The following RPS6KC1 variants were observed in gnomAD, a reference collection of about 807,000 sequenced individuals.
RPS6KC1 encodes ribosomal protein S6 kinase C1, also known as inactive ribosomal protein S6 kinase delta-1.
Under a neutral mutation model 103.8 loss-of-function variants are expected in RPS6KC1, and 54 were observed. The ratio of observed to expected loss-of-function variants is 0.52; its 90% confidence interval spans 0.42 to 0.65. The LOEUF (loss-of-function observed/expected upper bound fraction) is 0.65. RPS6KC1 is among the 30% of genes least tolerant of loss of function. The probability of loss-of-function intolerance (pLI) is 0.00; values close to 1 mark genes in which losing one functional copy is unlikely to be tolerated. For synonymous variants in RPS6KC1, 439 were observed against 438.7 expected, an observed-to-expected ratio of 1.00 and a Z score of -0.01; for missense variants, 1,151 against 1,253.8, an observed-to-expected ratio of 0.92 and a Z score of 1.24.
chr1:213,063,577 TGTG>T (rs1382248806), intron 1 of RPS6KC1, among the ~76,000 whole-genome samples: 1 of 152,204 alleles, frequency 6.6e-6, no homozygotes, highest in Non-Finnish European at 1.5e-5. Flanking sequence ...CTACAGAAAT[TGTG>T]GTAGTATTTC....
the RPS6KC1 span, among the ~76,000 whole-genome samples, chr1:213,585,787 G>A: frequency 4.6e-5 from 7 of 152,052 alleles, no homozygotes; most frequent in Non-Finnish European, 7.4e-5. Flanking sequence ...TCTCTCTACC[G>A]AGACACATGG....
At chr1:213,437,723 C>T in the RPS6KC1 span, among the ~76,000 whole-genome samples, 1 of 150,656 alleles carries the variant, frequency 6.6e-6, no homozygotes, top group South Asian at 2.1e-4. Flanking sequence ...ATTAATTTGT[C>T]AATTTTGCTT....
intron 6 of RPS6KC1, among the ~76,000 whole-genome samples, chr1:213,149,996 A>G (rs995981031): frequency 6.6e-6 from 1 of 152,144 alleles, no homozygotes; most frequent in Non-Finnish European, 1.5e-5. Flanking sequence ...TTGGTGTGGA[A>G]TATCTTTTTC....
At chr1:213,187,869 G>T (rs1297346811) in intron 8 of RPS6KC1, among the ~76,000 whole-genome samples, 2 of 151,934 alleles carry the variant, frequency 1.3e-5, no homozygotes, top group African/African-American at 4.8e-5. Context: ...TATTTGCTTA[G>T]TGAATCTTTA....
chr1:213,860,901 T>C, the RPS6KC1 span, among the ~76,000 whole-genome samples: 1 of 151,896 alleles, frequency 6.6e-6, no homozygotes, highest in Non-Finnish European at 1.5e-5. Flanking sequence ...CTCTGCCTCC[T>C]GGGTTCAAGC....
chr1:213,151,770 T>C (rs1186156431), intron 6 of RPS6KC1, among the ~76,000 whole-genome samples: 2 of 103,728 alleles, frequency 1.9e-5, no homozygotes, highest in Admixed American at 9.6e-5. Flanking sequence ...GCGGCTGGCC[T>C]GGCGGGGGGC....
chr1:213,401,668 G>A, the RPS6KC1 span, among the ~76,000 whole-genome samples: 2 of 152,010 alleles, frequency 1.3e-5, no homozygotes, highest in African/African-American at 4.8e-5. Context: ...TCCTTCCTTG[G>A]GCCTTCAACT....
the RPS6KC1 span, among the ~76,000 whole-genome samples, chr1:213,308,661 G>A: frequency 1.3e-5 from 2 of 152,070 alleles, no homozygotes; most frequent in African/African-American, 2.4e-5. Flanking sequence ...TTCATTATCC[G>A]AGTCCCCACT....
chr1:213,247,705 A>G (rs1261130407), intron 12 of RPS6KC1, among the ~76,000 whole-genome samples: 3 of 152,174 alleles, frequency 2.0e-5, no homozygotes, highest in Non-Finnish European at 4.4e-5. Flanking sequence ...ACAGTAGTAA[A>G]ATAGATTTGT....
chr1:213,485,418 C>T, the RPS6KC1 span, among the ~76,000 whole-genome samples: 1 of 152,118 alleles, frequency 6.6e-6, no homozygotes, highest in Admixed American at 6.5e-5. Context: ...CTGCCACCCC[C>T]AATCCTTTCT....
At chr1:213,210,548 G>A (rs2093475394) in intron 8 of RPS6KC1, among the ~76,000 whole-genome samples, 1 of 152,132 alleles carries the variant, frequency 6.6e-6, no homozygotes, top group Admixed American at 6.5e-5. Context: ...TGTTGCAGTC[G>A]ATGAACTTGT....
At chr1:213,407,089 C>T in the RPS6KC1 span, among the ~76,000 whole-genome samples, 1 of 152,124 alleles carries the variant, frequency 6.6e-6, no homozygotes, top group Non-Finnish European at 1.5e-5. Context: ...TACCCGGAGG[C>T]CTGACATCCT....
chr1:213,280,079 G>A, the RPS6KC1 span, among the ~76,000 whole-genome samples: 1 of 152,108 alleles, frequency 6.6e-6, no homozygotes, highest in South Asian at 2.1e-4. Context: ...CATTTTCAGT[G>A]TTTATCATAT....
chr1:213,389,083 C>T, the RPS6KC1 span, among the ~76,000 whole-genome samples: 57 of 150,362 alleles, frequency 3.8e-4, no homozygotes, highest in African/African-American at 1.3e-3. Flanking sequence ...AGCTGGCAGT[C>T]AGTGGTTCTT....
the RPS6KC1 span, among the ~76,000 whole-genome samples, chr1:213,317,260 A>G: frequency 6.6e-6 from 1 of 152,116 alleles, no homozygotes; most frequent in Non-Finnish European, 1.5e-5. Flanking sequence ...CTAATCTTCA[A>G]TTCCCTATTG....
chr1:213,491,490 G>C, the RPS6KC1 span, among the ~76,000 whole-genome samples: 2 of 152,184 alleles, frequency 1.3e-5, no homozygotes, highest in Non-Finnish European at 2.9e-5. Flanking sequence ...AGAGATTGAA[G>C]TGAGCTGAGA....
the RPS6KC1 span, among the ~76,000 whole-genome samples, chr1:213,444,918 TCA>T: frequency 6.6e-6 from 1 of 152,286 alleles, no homozygotes; most frequent in African/African-American, 2.4e-5. Context: ...TTTCGTTTAT[TCA>T]CAGTTATGCA....
chr1:213,116,760 T>G (rs1384452106), intron 4 of RPS6KC1, among the ~76,000 whole-genome samples: 2 of 151,810 alleles, frequency 1.3e-5, no homozygotes, highest in African/African-American at 4.8e-5. Context: ...AGTGACAAAA[T>G]CTCTCAGCAT....
chr1:213,124,631 CATATA>C (rs1309061793), intron 5 of RPS6KC1, among the ~76,000 whole-genome samples: 2 of 152,108 alleles, frequency 1.3e-5, no homozygotes, highest in Non-Finnish European at 2.9e-5. Flanking sequence ...TGAATATTTA[CATATA>C]ATATGTTTAT....
Sources: gnomAD v4.1 joint callset for allele counts (sites outside exome capture counted in the v4.1 genomes callset) on GRCh38, gnomAD v4.1.1 for gene constraint, MANE v1.5 for transcripts, NCBI Gene and HGNC (gene_info 2026-07-23, HGNC 2026-07-21) for gene names.